The following TMEM134 variants were observed in gnomAD, a reference collection of about 807,000 sequenced individuals.
TMEM134 encodes transmembrane protein 134.
Under a neutral mutation model 26.2 loss-of-function variants are expected in TMEM134, and 36 were observed. That is an observed-to-expected ratio of 1.37 (90% confidence interval 1.05 to 1.81). The LOEUF (loss-of-function observed/expected upper bound fraction) is 1.81, where lower values mean the gene tolerates loss of function less well. Ranked by LOEUF, TMEM134 falls within the 40% of genes most tolerant of loss-of-function variation. TMEM134 has a pLI of 0.00. For missense variants in TMEM134, 339 were observed against 263.5 expected, an observed-to-expected ratio of 1.29 and a Z score of -1.98; for synonymous variants, 133 against 113.6, an observed-to-expected ratio of 1.17 and a Z score of -1.08.
In TMEM134 at chr11:67,463,557, CT is replaced by C. The variant is rs11285778; in HGVS notation, c.*1056del. On this transcript the variant is annotated 3_prime_UTR_variant, in exon 7 of 7. Transcript: ENST00000308022. ...CGCAGGGCCTAGTATATTTTCTTTTCTTTTTTTTTTTTTAAATAGAGATGGG... is the reference window on the plus strand; with the variant it reads ...CGCAGGGCCTAGTATATTTTCTTTTCTTTTTTTTTTTTAAATAGAGATGGG... 77,532 of 147,296 alleles carry C rather than the reference CT, an allele frequency of 0.53. 22,463 individuals are homozygous for C. Among genetic ancestry groups the C allele is most frequent in the African/African-American group, 0.81 (32,441 of 40,194 alleles). 9.1% of individuals were successfully genotyped at this position (147,296 alleles called of 1,614,324 possible).
Position 67,469,249 on chromosome 11 carries a change from G to A in TMEM134, c.-57C>T, listed in dbSNP as rs1865512542. 2.5e-6 allele frequency: 3 copies of A among 1,220,274 alleles called. No homozygotes were observed. In the Admixed American group the frequency reaches 1.3e-4, roughly 52 times the overall value. The allele number at this position is 1,220,274 out of a possible 1,614,324, so 75.6% of individuals were successfully genotyped here. A position where few individuals can be genotyped will look rare whatever the true frequency, so the allele number is the denominator to read the frequency against. ...CGCCATCTGCGCCCACACACCCAGC[G>A]TCGCCGCTGCCCCGCCCCCGCATGC... is the stretch of plus-strand genomic sequence containing the variant. On this transcript the variant is annotated 5_prime_UTR_variant, in exon 1 of 7. In the 5' UTR this introduces an upstream ATG that the reference lacks. Transcript: ENST00000308022.
chr11:67,465,065 G>C lies in TMEM134; in HGVS notation c.442C>G (p.Pro148Ala). 1 of 1,583,888 alleles carries C rather than the reference G, an allele frequency of 6.3e-7. No individual in the cohort carries two copies. Among genetic ancestry groups the C allele is most frequent in the Non-Finnish European group, 8.6e-7 (1 of 1,168,844 alleles). The change falls in exon 5 of 7, where the codon CCC becomes GCC. Residue 148 changes from proline to alanine, a missense_variant. Transcript: ENST00000308022. ...CGGGAGGGTCGCTCACCTGGAGAGG[G>C]GGTCGCCTCCAGTCCCACGCCGACC... is the stretch of plus-strand genomic sequence containing the variant. ...ILVGVGLEAT[P>A]SPGVSSAIFF...
In TMEM134 at chr11:67,468,293, GAGC is replaced by G; in HGVS notation, c.175-204_175-202del. 5.0e-6 allele frequency: 3 copies of G among 596,406 alleles called. No individual in the cohort carries two copies. The Admixed American group carries it at 8.6e-5, about 17-fold the overall frequency. The allele number at this position is 596,406 out of a possible 1,614,324, so 36.9% of individuals were successfully genotyped here. ...GGTGGGTGGATGCCAGGGCTTTGGG[GAGC>G]AGGAGCCTGCATAGATCCCAGGGAA... On this transcript the variant is annotated intron_variant, in intron 1 of 6. Transcript: ENST00000308022.
rs372975016 is a variant in TMEM134, at chr11:67,468,338, T to G, written c.175-246A>C. 6 of 533,808 alleles carry G rather than the reference T, an allele frequency of 1.1e-5. No homozygotes were observed. The African/African-American group carries it at 1.1e-4, about 10-fold the overall frequency. 33.1% of individuals were successfully genotyped at this position (533,808 alleles called of 1,614,324 possible). ...CCCAGGGAAAGGAGAGCTCCCAACT[T>G]TGGGTTAGGGTGGAGCTCTCATTCA... On this transcript the variant is annotated intron_variant, in intron 1 of 6. Transcript: ENST00000308022.
At chr11:67,464,748 G>GT (rs1565169147) in intron 6 of TMEM134, 52 bp from the exon 7 acceptor site, 2 of 959,352 alleles carry the variant, frequency 2.1e-6, no homozygotes, top group Non-Finnish European at 3.1e-6. Context: ...CCGCAACACC[G>GT]CCCCCAGTGC....
intron 1 of TMEM134, among the ~76,000 whole-genome samples, chr11:67,468,667 G>C (rs919095918): frequency 2.0e-5 from 3 of 152,194 alleles, no homozygotes; most frequent in African/African-American, 4.8e-5. Context: ...GGATGCTCCT[G>C]CGTGTGGGGC....
Position 67,464,477 on chromosome 11 carries a change from C to T in TMEM134, c.*137G>A. On this transcript the variant is annotated 3_prime_UTR_variant, in exon 7 of 7. Transcript: ENST00000308022. ...GCTTTCCCAGGGCCAGGCCTGCATG[C>T]CCCGAACTTCCTGAGCAAACTCCCT... 3 of 882,434 alleles carry T rather than the reference C, an allele frequency of 3.4e-6. No homozygotes were observed. Among genetic ancestry groups the T allele is most frequent in the South Asian group, 3.1e-5 (2 of 64,592 alleles). The allele number at this position is 882,434 out of a possible 1,614,324, so 54.7% of individuals were successfully genotyped here.
At chr11:67,465,008 C>T in intron 5 of TMEM134, 48 bp downstream of exon 5, 1 of 1,507,166 alleles carries the variant, frequency 6.6e-7, no homozygotes, top group Non-Finnish European at 9.0e-7. Context: ...GACCCGTGGA[C>T]ACAAGACAGG....
rs760636185 is a variant in TMEM134, at chr11:67,464,588, C to G, written c.*26G>C. On this transcript the variant is annotated 3_prime_UTR_variant, in exon 7 of 7. Coordinates refer to ENST00000308022, the MANE Select transcript of TMEM134 (RefSeq NM_025124.4). ...AGGGCAAGAGGGGCGCCCCCATGGG[C>G]GCAAGGGGTCCACGCTGCGCCGCGA... 3 of 1,551,216 alleles carry G rather than the reference C, an allele frequency of 1.9e-6. No individual in the cohort carries two copies. The highest frequency in any genetic ancestry group is 2.6e-6 in the Non-Finnish European group (3 of 1,146,574).
intron 1 of TMEM134, chr11:67,468,331 C>T: frequency 1.8e-6 from 1 of 541,446 alleles, no homozygotes; most frequent in Non-Finnish European, 3.3e-6. Context: ...AAGGAGAGCT[C>T]CCAACTTTGG....
In TMEM134 at chr11:67,467,707, T is replaced by G. The variant is rs532523650; in HGVS notation, c.240-117A>C. The G allele has an allele frequency of 1.3e-4, 130 of 1,039,516 alleles. 3 individuals are homozygous for G. The South Asian group carries it at 1.7e-3, about 14-fold the overall frequency. 64.4% of individuals were successfully genotyped at this position (1,039,516 alleles called of 1,614,324 possible). On this transcript the variant is annotated intron_variant, in intron 2 of 6. Coordinates refer to ENST00000308022, the MANE Select transcript of TMEM134 (RefSeq NM_025124.4). ...GGACTGGGGCTGGCCCCTTGCAGGATAGTGGGCCCTGAGAGGCCTCGGTGG... is the reference window on the plus strand; with the variant it reads ...GGACTGGGGCTGGCCCCTTGCAGGAGAGTGGGCCCTGAGAGGCCTCGGTGG...
intron 5 of TMEM134, 88 bp from the exon 6 acceptor site, chr11:67,464,944 A>G: frequency 6.5e-7 from 1 of 1,550,334 alleles, no homozygotes; most frequent in Non-Finnish European, 8.8e-7. Context: ...GGCAAGCCTC[A>G]CTCCCAGCTG....
At position 67,468,098 on chromosome 11, in the gene TMEM134, G is replaced by A. The variant is rs778633881; in HGVS notation, c.175-6C>T. On this transcript the variant is annotated splice_region_variant and splice_polypyrimidine_tract_variant and intron_variant, in intron 1 of 6. Transcript: ENST00000308022. The stretch of plus-strand genomic sequence containing the variant: ...TCCTCATCGTTCTCCAGGTTCTGTT[G>A]CAGAACACAGGTCTCAGGGGGGTTG... 1.7e-5 allele frequency: 27 copies of A among 1,560,216 alleles called. No homozygotes were observed. The South Asian group carries it at 2.8e-4, about 16-fold the overall frequency.
Position 67,467,591 on chromosome 11 carries a change from C to T in TMEM134, c.240-1G>A, listed in dbSNP as rs376783268. On this transcript the variant is annotated splice_acceptor_variant, in intron 2 of 6. Coordinates refer to ENST00000308022, the MANE Select transcript of TMEM134 (RefSeq NM_025124.4). LOFTEE classifies it high-confidence loss of function. ...GCGGATGGAAGTTCGGCTGGAATCC[C>T]TGCCAGGACAGGCGCCCAGTGAGGG... The T allele has an allele frequency of 3.9e-5, 63 of 1,613,784 alleles. No homozygotes were observed. The highest frequency in any genetic ancestry group is 5.2e-5 in the Non-Finnish European group (61 of 1,180,030).
intron 4 of TMEM134, chr11:67,466,723 T>C (rs1468062650): frequency 6.2e-6 from 1 of 160,180 alleles, no homozygotes; most frequent in Non-Finnish European, 1.4e-5. Flanking sequence ...CTGCCTCCTC[T>C]ACCCCAAAGA....
chr11:67,467,062 T>C, intron 4 of TMEM134: 3 of 577,286 alleles, frequency 5.2e-6, no homozygotes, highest in Non-Finnish European at 9.3e-6. Context: ...GGTTAAATTT[T>C]TTAAAAAAGG....
At position 67,464,464 on chromosome 11, in the gene TMEM134, C is replaced by A; in HGVS notation, c.*150G>T. On this transcript the variant is annotated 3_prime_UTR_variant, in exon 7 of 7. Transcript: ENST00000308022. Reference sequence around the variant, plus strand: ...CAGGCGACGGGCGGCTTTCCCAGGGCCAGGCCTGCATGCCCCGAACTTCCT... The same window carrying A: ...CAGGCGACGGGCGGCTTTCCCAGGGACAGGCCTGCATGCCCCGAACTTCCT... 1 of 769,304 alleles carries A rather than the reference C, an allele frequency of 1.3e-6. No homozygotes were observed. The highest frequency in any genetic ancestry group is 1.7e-5 in the South Asian group (1 of 59,872). 47.7% of individuals were successfully genotyped at this position (769,304 alleles called of 1,614,324 possible).
rs930069138 is a variant in TMEM134, at chr11:67,469,008, G to A, written c.174+11C>T. 4 of 1,486,492 alleles carry A rather than the reference G, an allele frequency of 2.7e-6. No homozygotes were observed. The African/African-American group carries it at 4.4e-5, about 16-fold the overall frequency. 92.1% of individuals were successfully genotyped at this position (1,486,492 alleles called of 1,614,324 possible). ...CCGGGGGCAGGGGGTTAGGTGGGCC[G>A]GGCGGTTCACCTGGTAGCGCAGCCG... is the stretch of plus-strand genomic sequence containing the variant. On this transcript the variant is annotated intron_variant, in intron 1 of 6. Coordinates refer to ENST00000308022, the MANE Select transcript of TMEM134 (RefSeq NM_025124.4).
intron 5 of TMEM134, 21 bp downstream of exon 5, chr11:67,465,035 G>T (rs1252400024): frequency 4.5e-6 from 7 of 1,555,216 alleles, no homozygotes; most frequent in Non-Finnish European, 6.1e-6. Flanking sequence ...CTCTGCCTGT[G>T]GGGGCGGGAG....
Sources: gnomAD v4.1 joint callset for allele counts (sites outside exome capture counted in the v4.1 genomes callset) on GRCh38, gnomAD v4.1.1 for gene constraint, MANE v1.5 for transcripts, NCBI Gene and HGNC (gene_info 2026-07-23, HGNC 2026-07-21) for gene names.